The following DCDC1 variants were observed in gnomAD, a reference collection of about 807,000 sequenced individuals.
DCDC1 encodes doublecortin domain containing 1, also known as doublecortin domain-containing protein 1.
DCDC1 carries 200 observed loss-of-function variants against 178.3 expected under a neutral mutation model. That is an observed-to-expected ratio of 1.12 (90% CI 1.00 to 1.26). DCDC1 has a LOEUF of 1.26. DCDC1 is among the 50% of genes most tolerant of loss of function. The pLI is 0.00. For missense variants in DCDC1, 1,983 were observed against 1,749.2 expected, an observed-to-expected ratio of 1.13 and a Z score of -2.38; for synonymous variants, 690 against 604.8, an observed-to-expected ratio of 1.14 and a Z score of -2.07.
At chr11:31,349,769 G>A (rs904551395) in intron 1 of DCDC1, among the ~76,000 whole-genome samples, 3 of 152,132 alleles carry the variant, frequency 2.0e-5, no homozygotes, top group African/African-American at 7.2e-5. Flanking sequence ...GGGAGGCTGA[G>A]GCAGGAGGAT....
chr11:31,120,465 C>G (rs1333843163), intron 11 of DCDC1, among the ~76,000 whole-genome samples: 1 of 152,070 alleles, frequency 6.6e-6, no homozygotes, highest in Admixed American at 6.6e-5. Flanking sequence ...GAAGAAAGAG[C>G]CTGAATTGCC....
intron 12 of DCDC1, among the ~76,000 whole-genome samples, chr11:31,109,396 T>A (rs1959056429): frequency 1.3e-5 from 2 of 152,090 alleles, no homozygotes; most frequent in Non-Finnish European, 2.9e-5. Context: ...GGCCTTTGTG[T>A]CATGGTGATT....
chr11:31,103,655 A>T lies in DCDC1; in HGVS notation c.1866T>A (p.Pro622=), dbSNP rs1380749334. The T allele has an allele frequency of 1.3e-6, 1 of 761,034 alleles. No individual in the cohort carries two copies. Among genetic ancestry groups the T allele is most frequent in the Non-Finnish European group, 2.4e-6 (1 of 416,526 alleles). The allele number at this position is 761,034 out of a possible 1,614,324, so 47.1% of individuals were successfully genotyped here. The part of the protein sequence containing the change: ...TFLDPNAVLL[P]GCGNWEVCEG... ...ACTTGTTAATTTACTTGCCACATCC[A>T]GGTAGCAGAACAGCATTAGGATCCA... Residue 622 remains proline (P), a synonymous_variant, in exon 14 of 39, where the codon CCT becomes CCA. Coordinates refer to ENST00000684477, the MANE Select transcript of DCDC1 (RefSeq NM_001387274.1).
At chr11:31,251,859 GTGTT>G (rs924109752) in intron 8 of DCDC1, among the ~76,000 whole-genome samples, 1 of 152,128 alleles carries the variant, frequency 6.6e-6, no homozygotes, top group African/African-American at 2.4e-5. Context: ...ATGAAGGAGA[GTGTT>G]TGAGAAACAG....
chr11:31,306,981 T>C (rs1948503705), intron 4 of DCDC1, among the ~76,000 whole-genome samples: 1 of 152,200 alleles, frequency 6.6e-6, no homozygotes, highest in South Asian at 2.1e-4. Flanking sequence ...TTGATATTTA[T>C]GATTTTTCTC....
At chr11:31,140,562 G>A (rs1212622395) in intron 9 of DCDC1, among the ~76,000 whole-genome samples, 2 of 151,968 alleles carry the variant, frequency 1.3e-5, no homozygotes, top group South Asian at 2.1e-4. Context: ...GTTAAAGTTC[G>A]GTTCATTCAA....
chr11:30,953,014 C>A (rs1948524523), intron 20 of DCDC1, among the ~76,000 whole-genome samples: 1 of 151,820 alleles, frequency 6.6e-6, no homozygotes. Flanking sequence ...AACAAAATAT[C>A]TGAATGCTAT....
At chr11:31,218,299 T>C (rs1973831296) in intron 9 of DCDC1, among the ~76,000 whole-genome samples, 1 of 152,108 alleles carries the variant, frequency 6.6e-6, no homozygotes, top group African/African-American at 2.4e-5. Context: ...ATACAAGATA[T>C]TGTCATCATC....
chr11:31,063,933 G>A (rs188276155), intron 20 of DCDC1, among the ~76,000 whole-genome samples: 1 of 152,000 alleles, frequency 6.6e-6, no homozygotes, highest in Non-Finnish European at 1.5e-5. Flanking sequence ...AAATAAAGAG[G>A]ATCAGAGAAA....
chr11:31,245,149 G>C (rs1188289436), intron 8 of DCDC1, among the ~76,000 whole-genome samples: 1 of 151,174 alleles, frequency 6.6e-6, no homozygotes, highest in Non-Finnish European at 1.5e-5. Flanking sequence ...AAATGATTTA[G>C]GTAGAATTAA....
intron 11 of DCDC1, among the ~76,000 whole-genome samples, chr11:31,119,631 T>A (rs545765841): frequency 9.9e-5 from 15 of 152,174 alleles, no homozygotes; most frequent in Non-Finnish European, 2.2e-4. Flanking sequence ...TTCCTAAATA[T>A]TAAAATAAGC....
chr11:30,888,001 CAA>C (rs1217474196), intron 36 of DCDC1, among the ~76,000 whole-genome samples: 1 of 31,586 alleles, frequency 3.2e-5, no homozygotes, highest in Admixed American at 3.4e-4. Flanking sequence ...AAAATTCCGT[CAA>C]AAAAAAAAAA....
intron 9 of DCDC1, among the ~76,000 whole-genome samples, chr11:31,228,606 T>C (rs1975326684): frequency 6.6e-6 from 1 of 151,824 alleles, no homozygotes; most frequent in South Asian, 2.1e-4. Context: ...GAAAATCAAT[T>C]AGATGAAAAG....
chr11:31,202,199 T>C (rs1471109276), intron 9 of DCDC1, among the ~76,000 whole-genome samples: 1 of 152,218 alleles, frequency 6.6e-6, no homozygotes, highest in Non-Finnish European at 1.5e-5. Context: ...AAGTCTGGCA[T>C]GGTAGACAGT....
Position 30,864,686 on chromosome 11 carries a change from G to A in DCDC1, c.*687C>T, listed in dbSNP as rs1301186320. 1 of 152,094 alleles carries A rather than the reference G, an allele frequency of 6.6e-6. No individual in the cohort carries two copies. Among genetic ancestry groups the A allele is most frequent in the Non-Finnish European group, 1.5e-5 (1 of 68,028 alleles). The allele number at this position is 152,094 out of a possible 1,614,324, so 9.4% of individuals were successfully genotyped here. ...GTCCCAAGTAAATAAAACCAAGGGT[G>A]TTCCTGCCCTCTAGGCACTTATCAT... On this transcript the variant is annotated 3_prime_UTR_variant, in exon 39 of 39. Coordinates refer to ENST00000684477, the MANE Select transcript of DCDC1 (RefSeq NM_001387274.1).
intron 21 of DCDC1, among the ~76,000 whole-genome samples, chr11:30,933,942 G>C (rs188992116): frequency 1.3e-3 from 199 of 152,272 alleles, no homozygotes; most frequent in Admixed American, 2.4e-3. Flanking sequence ...GGGCAGTATT[G>C]TTAGGAATGA....
At chr11:31,120,731 T>G (rs1316488268) in intron 11 of DCDC1, among the ~76,000 whole-genome samples, 2 of 152,128 alleles carry the variant, frequency 1.3e-5, no homozygotes, top group Admixed American at 1.3e-4. Context: ...CATTCCCTCA[T>G]GCTTTCTCCC....
intron 1 of DCDC1, among the ~76,000 whole-genome samples, chr11:31,367,021 C>T (rs892749647): frequency 3.3e-5 from 5 of 152,136 alleles, no homozygotes; most frequent in South Asian, 2.1e-4. Flanking sequence ...TGTGGCTGGG[C>T]GCAGTGGCGC....
intron 19 of DCDC1, 47 bp downstream of exon 19, chr11:31,064,968 AATAT>A (rs1268745458): frequency 3.0e-6 from 2 of 668,086 alleles, no homozygotes; most frequent in African/African-American, 3.6e-5. Flanking sequence ...CTTTTTTCAA[AATAT>A]ATTTTAGAGA....
Sources: allele counts gnomAD v4.1 joint callset (sites outside exome capture counted in the v4.1 genomes callset), GRCh38; gene constraint gnomAD v4.1.1; transcripts MANE v1.5; gene names NCBI Gene and HGNC (gene_info 2026-07-23, HGNC 2026-07-21).